GKAP1: variants seen among roughly 807,000 people sequenced by gnomAD.
GKAP1 encodes the protein G kinase anchoring protein 1.
GKAP1 carries 31 observed loss-of-function variants against 56.7 expected under a neutral mutation model. The ratio of observed to expected loss-of-function variants is 0.55; its 90% CI spans 0.41 to 0.74. The LOEUF is 0.74. Ranked by LOEUF, GKAP1 falls within the 30% of genes least tolerant of loss-of-function variation. The pLI is 0.00. For missense variants in GKAP1, 364 were observed against 402.3 expected, an observed-to-expected ratio of 0.90 and a Z score of 0.82; for synonymous variants, 151 against 138.6, an observed-to-expected ratio of 1.09 and a Z score of -0.63.
Position 83,792,927 on chromosome 9 carries a change from T to C in GKAP1, c.361-4249A>G, listed in dbSNP as rs542556993. On this transcript the variant is annotated intron_variant, in intron 4 of 12. Coordinates refer to ENST00000376371, the MANE Select transcript of GKAP1 (RefSeq NM_025211.4). ...AGGAAATAGCAGGCACTAAAATGCC[T>C]ACAGAATTCAAGAAGATACTTACAT... is the stretch of plus-strand genomic sequence containing the variant. 25 of 968,828 alleles carry C rather than the reference T, an allele frequency of 2.6e-5. No homozygotes were observed. The Admixed American group carries it at 4.9e-4, about 19-fold the overall frequency. 60.0% of individuals were successfully genotyped at this position (968,828 alleles called of 1,614,324 possible). A position where few individuals can be genotyped will look rare whatever the true frequency, so the allele number is the denominator to read the frequency against.
intron 7 of GKAP1, among the ~76,000 whole-genome samples, chr9:83,769,317 A>G (rs1158561430): frequency 1.3e-5 from 2 of 152,156 alleles, no homozygotes; most frequent in Non-Finnish European, 1.5e-5. Flanking sequence ...TTGTACAACC[A>G]TCACCCCAAT....
intron 4 of GKAP1, among the ~76,000 whole-genome samples, chr9:83,794,682 G>T (rs574395021): frequency 6.6e-6 from 1 of 152,052 alleles, no homozygotes; most frequent in African/African-American, 2.4e-5. Flanking sequence ...CTTAAGAAGA[G>T]ATTTTTCTAC....
At chr9:83,757,157 G>C (rs2131249389) in intron 8 of GKAP1, among the ~76,000 whole-genome samples, 1 of 152,258 alleles carries the variant, frequency 6.6e-6, no homozygotes, top group East Asian at 1.9e-4. Flanking sequence ...CTCGGGTTTG[G>C]GGTTTGGCTG....
chr9:83,808,320 G>A (rs965971131), intron 2 of GKAP1, among the ~76,000 whole-genome samples: 8 of 152,254 alleles, frequency 5.3e-5, no homozygotes, highest in African/African-American at 1.9e-4. Context: ...TATAGGCCGG[G>A]TGCAGTGGCT....
chr9:83,795,766 G>T (rs1052830508), intron 4 of GKAP1, among the ~76,000 whole-genome samples: 2 of 151,932 alleles, frequency 1.3e-5, no homozygotes, highest in African/African-American at 4.8e-5. Context: ...TGCCTAGGCT[G>T]GTCTCGCAAA....
intron 7 of GKAP1, among the ~76,000 whole-genome samples, chr9:83,777,080 C>T (rs1229114316): frequency 1.3e-5 from 2 of 152,104 alleles, no homozygotes; most frequent in East Asian, 1.9e-4. Flanking sequence ...AATTCAGAAG[C>T]TTATACTGTA....
intron 7 of GKAP1, among the ~76,000 whole-genome samples, chr9:83,779,440 T>A (rs939773736): frequency 5.6e-5 from 4 of 71,206 alleles, no homozygotes; most frequent in African/African-American, 1.5e-4. Flanking sequence ...TATATATATA[T>A]ATATATATAC....
rs1554742413 is a variant in GKAP1 at position 83,779,586 on chromosome 9, C to CGT, written c.585+794_585+795dup. 1.9e-3 allele frequency among the ~76,000 whole-genome samples: 228 copies of CGT among 121,936 alleles called. 13 individuals carry two copies. In the East Asian group the frequency reaches 0.031, roughly 16 times the overall value. 80.0% of individuals were successfully genotyped at this position (121,936 alleles called of 152,430 possible). A position where few individuals can be genotyped will look rare whatever the true frequency, so the allele number is the denominator to read the frequency against. On this transcript the variant is annotated intron_variant, in intron 7 of 12. Coordinates refer to ENST00000376371, the MANE Select transcript of GKAP1 (RefSeq NM_025211.4). ...ATATATATACACACATATATATACA[C>CGT]GTATATGTGTATATATATACACATA...
At chr9:83,798,016 A>G (rs1944275553) in intron 4 of GKAP1, among the ~76,000 whole-genome samples, 1 of 152,240 alleles carries the variant, frequency 6.6e-6, no homozygotes, top group Non-Finnish European at 1.5e-5. Context: ...CAGTACCTGG[A>G]ACTGCCATTT....
At chr9:83,786,860 A>G (rs2131296380) in intron 5 of GKAP1, among the ~76,000 whole-genome samples, 1 of 152,304 alleles carries the variant, frequency 6.6e-6, no homozygotes, top group East Asian at 1.9e-4. Flanking sequence ...TTTCTCCTCT[A>G]AGGATACAGG....
chr9:83,793,481 T>C (rs185617887), intron 4 of GKAP1, among the ~76,000 whole-genome samples: 2 of 152,284 alleles, frequency 1.3e-5, no homozygotes, highest in Admixed American at 1.3e-4. Flanking sequence ...AAAAATGACA[T>C]ATATAATTCA....
chr9:83,775,234 T>C (rs4385546), intron 7 of GKAP1, among the ~76,000 whole-genome samples: 84,095 of 151,746 alleles, frequency 0.55, 24,278 homozygotes, highest in Admixed American at 0.69. Context: ...CTGGATCTCC[T>C]GGCCTCAAGC....
In GKAP1 at chr9:83,806,403, T is replaced by G; in HGVS notation, c.115A>C (p.Thr39Pro). The G allele has an allele frequency of 6.2e-7, 1 of 1,607,492 alleles. No homozygotes were observed. ...SEPGKGKGRN[T>P]GKSQTLGSKS... ...CTTCCTAAAGTTTGAGACTTTCCAGTATTTCGACCTTTACCTTTTCCAGGT... is the reference window on the plus strand; with the variant it reads ...CTTCCTAAAGTTTGAGACTTTCCAGGATTTCGACCTTTACCTTTTCCAGGT... The change falls in exon 3 of 13, where the codon ACT (threonine) becomes CCT (proline). Residue 39 changes from threonine (T) to proline (P), a missense_variant. Thr to Pro is a conservative substitution (Grantham distance 38). Transcript: ENST00000376371.
intron 7 of GKAP1, among the ~76,000 whole-genome samples, chr9:83,774,343 T>G (rs900022274): frequency 9.9e-5 from 15 of 151,878 alleles, no homozygotes; most frequent in African/African-American, 3.6e-4. Context: ...GGCTCACGCC[T>G]GTAGTCCCAG....
At chr9:83,763,679 C>A (rs1431183258) in intron 8 of GKAP1, among the ~76,000 whole-genome samples, 1 of 152,166 alleles carries the variant, frequency 6.6e-6, no homozygotes, top group Non-Finnish European at 1.5e-5. Context: ...ATTACTATAG[C>A]ATTTTAACAG....
At chr9:83,779,574 CAT>C (rs1226156610) in intron 7 of GKAP1, among the ~76,000 whole-genome samples, 5 of 80,370 alleles carry the variant, frequency 6.2e-5, no homozygotes, top group African/African-American at 2.7e-4. Flanking sequence ...TATATACACA[CAT>C]ATATATACAC....
chr9:83,807,915 GAAGT>G (rs1255704981), intron 2 of GKAP1, among the ~76,000 whole-genome samples: 3 of 152,200 alleles, frequency 2.0e-5, no homozygotes, highest in Admixed American at 6.5e-5. Context: ...AGAAAAATGA[GAAGT>G]ATGTATTCAA....
At chr9:83,811,645 T>C (rs551397395) in intron 2 of GKAP1, among the ~76,000 whole-genome samples, 2 of 152,324 alleles carry the variant, frequency 1.3e-5, no homozygotes, top group South Asian at 4.1e-4. Context: ...AGGGTACTTC[T>C]GTCAGAAGGT....
At chr9:83,802,682 C>T (rs1457575298) in intron 3 of GKAP1, among the ~76,000 whole-genome samples, 2 of 151,762 alleles carry the variant, frequency 1.3e-5, no homozygotes, top group East Asian at 1.9e-4. Flanking sequence ...ACAAAATTAG[C>T]TGGGTGTGGT....
Sources: allele counts gnomAD v4.1 joint callset (sites outside exome capture counted in the v4.1 genomes callset), GRCh38; gene constraint gnomAD v4.1.1; transcripts MANE v1.5; gene names NCBI Gene and HGNC (gene_info 2026-07-23, HGNC 2026-07-21).